Variants in CNTN3 observed in about 807,000 individuals in gnomAD.
CNTN3 encodes the protein contactin-3.
CNTN3 carries 60 observed loss-of-function variants against 119.1 expected under a neutral mutation model. The observed-to-expected ratio is 0.50, with a 90% CI of 0.41 to 0.62. The LOEUF (loss-of-function observed/expected upper bound fraction) is 0.62. Among genes scored for constraint, CNTN3 ranks in the 20% least tolerant of loss-of-function variants. The pLI is 0.00. For synonymous variants in CNTN3, 450 were observed against 438.7 expected, an observed-to-expected ratio of 1.03 and a Z score of -0.32; for missense variants, 1,101 against 1,242.4, an observed-to-expected ratio of 0.89 and a Z score of 1.71.
intron 5 of CNTN3, among the ~76,000 whole-genome samples, chr3:74,392,013 G>A (rs547254729): frequency 6.6e-6 from 1 of 152,230 alleles, no homozygotes; most frequent in Admixed American, 6.5e-5. Context: ...TGAGAATTGT[G>A]ATGTGACTTT....
intron 11 of CNTN3, among the ~76,000 whole-genome samples, chr3:74,354,435 T>C (rs1218328410): frequency 6.6e-6 from 1 of 152,158 alleles, no homozygotes; most frequent in Non-Finnish European, 1.5e-5. Context: ...TGGCTCTTTC[T>C]CACAAACCAC....
intron 1 of CNTN3, among the ~76,000 whole-genome samples, chr3:74,522,716 T>C (rs892862565): frequency 1.8e-4 from 27 of 151,274 alleles, no homozygotes; most frequent in Admixed American, 1.5e-3. Flanking sequence ...GTTCCCATAA[T>C]AGTAGTAATT....
At chr3:74,587,905 C>T (rs1298486113) in intron 1 of CNTN3, among the ~76,000 whole-genome samples, 1 of 152,146 alleles carries the variant, frequency 6.6e-6, no homozygotes, top group African/African-American at 2.4e-5. Context: ...AGCTTTTGCC[C>T]ATTCAGTATG....
At chr3:74,387,169 A>C (rs950793793) in intron 5 of CNTN3, among the ~76,000 whole-genome samples, 1 of 152,182 alleles carries the variant, frequency 6.6e-6, no homozygotes, top group African/African-American at 2.4e-5. Context: ...CTGCTTTTTA[A>C]TAGTATTTTG....
At chr3:74,378,210 G>C (rs1421821844) in intron 5 of CNTN3, among the ~76,000 whole-genome samples, 24 of 152,200 alleles carry the variant, frequency 1.6e-4, no homozygotes. Flanking sequence ...CTGGGATGCA[G>C]TATGTACTCA....
intron 5 of CNTN3, among the ~76,000 whole-genome samples, chr3:74,406,987 A>G (rs1427661663): frequency 6.6e-6 from 1 of 152,214 alleles, no homozygotes; most frequent in Non-Finnish European, 1.5e-5. Flanking sequence ...AAAGGAATAA[A>G]AGAAAAGTAT....
Position 74,301,413 on chromosome 3 carries a change from T to A in CNTN3, c.2080A>T (p.Arg694Ter), listed in dbSNP as rs748336177. Residue 694 changes from arginine to a stop codon, truncating the protein, a stop_gained, in exon 16 of 23, where the codon AGA becomes TGA. Transcript: ENST00000263665. LOFTEE classifies it high-confidence loss of function. The part of the protein sequence containing the change: ...GEPSLPSEKV[R>*]TEEAVPEVPP... ...AAACACTAACCTGCCTCTTCAGTTC[T>A]TACTTTTTCTGAGGGTAAACTTGGT... The A allele has an allele frequency of 6.2e-7, 1 of 1,614,054 alleles. No homozygotes were observed. Among genetic ancestry groups the A allele is most frequent in the Non-Finnish European group, 8.5e-7 (1 of 1,179,964 alleles).
At chr3:74,455,516 C>A (rs191929253) in intron 4 of CNTN3, among the ~76,000 whole-genome samples, 1 of 152,152 alleles carries the variant, frequency 6.6e-6, no homozygotes, top group Non-Finnish European at 1.5e-5. Flanking sequence ...AGTCATTCTC[C>A]GTCCAGCTTT....
At chr3:74,558,592 T>G (rs1032506156) in intron 1 of CNTN3, among the ~76,000 whole-genome samples, 5 of 152,174 alleles carry the variant, frequency 3.3e-5, no homozygotes, top group African/African-American at 1.2e-4. Flanking sequence ...AACCTGAATT[T>G]GAGTCCTTGA....
chr3:74,416,321 T>C (rs1701519427), intron 5 of CNTN3, among the ~76,000 whole-genome samples: 2 of 152,236 alleles, frequency 1.3e-5, no homozygotes, highest in African/African-American at 2.4e-5. Context: ...ACAATTCACA[T>C]GGATTGCCTT....
intron 20 of CNTN3, among the ~76,000 whole-genome samples, chr3:74,281,829 AC>A (rs1158921068): frequency 6.6e-6 from 1 of 152,174 alleles, no homozygotes; most frequent in Non-Finnish European, 1.5e-5. Context: ...TGGAAGGAGA[AC>A]CAATAATTCA....
chr3:74,374,918 C>T (rs1704440864), intron 5 of CNTN3, among the ~76,000 whole-genome samples: 1 of 152,142 alleles, frequency 6.6e-6, no homozygotes, highest in Admixed American at 6.5e-5. Flanking sequence ...TCTTGAACAA[C>T]CATTCAATGC....
At chr3:74,425,097 T>A (rs1025402522) in intron 4 of CNTN3, among the ~76,000 whole-genome samples, 157 bp from the exon 5 acceptor site, 1 of 152,210 alleles carries the variant, frequency 6.6e-6, no homozygotes, top group Admixed American at 6.5e-5. Flanking sequence ...CCCTTTATTT[T>A]AGATTCAGGA....
chr3:74,590,622 G>A (rs1394387234), intron 1 of CNTN3, among the ~76,000 whole-genome samples: 1 of 151,972 alleles, frequency 6.6e-6, no homozygotes, highest in African/African-American at 2.4e-5. Context: ...CAGGCCATGG[G>A]GCTAGATGTC....
chr3:74,557,677 T>C (rs1445281707), intron 1 of CNTN3, among the ~76,000 whole-genome samples: 1 of 145,056 alleles, frequency 6.9e-6, no homozygotes, highest in African/African-American at 2.6e-5. Context: ...TTTTATGCCA[T>C]AATTTCCACC....
At chr3:74,523,871 T>C (rs1252002204) in intron 1 of CNTN3, among the ~76,000 whole-genome samples, 1 of 151,950 alleles carries the variant, frequency 6.6e-6, no homozygotes, top group East Asian at 1.9e-4. Flanking sequence ...TCTCTGAAGG[T>C]AGAACCACAG....
intron 3 of CNTN3, among the ~76,000 whole-genome samples, chr3:74,490,332 G>A (rs916626704): frequency 2.0e-5 from 3 of 152,100 alleles, no homozygotes; most frequent in Admixed American, 2.0e-4. Flanking sequence ...CATGACAAAG[G>A]GCACTTGAGT....
chr3:74,554,359 C>G (rs1704038348), intron 1 of CNTN3, among the ~76,000 whole-genome samples: 1 of 152,138 alleles, frequency 6.6e-6, no homozygotes, highest in Non-Finnish European at 1.5e-5. Flanking sequence ...TGTGATGCCT[C>G]CAGCTTTGTT....
intron 4 of CNTN3, among the ~76,000 whole-genome samples, chr3:74,443,131 C>A (rs1469930610): frequency 2.0e-5 from 3 of 152,146 alleles, no homozygotes; most frequent in Admixed American, 2.0e-4. Context: ...AGGACAGTAG[C>A]AGCTTTAAGG....
Sources: gnomAD v4.1 joint callset for allele counts (sites outside exome capture counted in the v4.1 genomes callset) on GRCh38, gnomAD v4.1.1 for gene constraint, MANE v1.5 for transcripts, NCBI Gene and HGNC (gene_info 2026-07-23, HGNC 2026-07-21) for gene names.